The following ATRNL1 variants were observed in gnomAD, a reference collection of about 807,000 sequenced individuals.
ATRNL1 encodes attractin-like protein 1.
Under a neutral mutation model 182.7 loss-of-function variants are expected in ATRNL1, and 95 were observed. The observed-to-expected ratio is 0.52, with a 90% confidence interval of 0.44 to 0.62. ATRNL1 has a LOEUF of 0.62. Among genes scored for constraint, ATRNL1 ranks in the 20% least tolerant of loss-of-function variants. ATRNL1 has a pLI of 0.00. For synonymous variants in ATRNL1, 576 were observed against 568.3 expected (o/e 1.01, Z -0.19); for missense variants, 1,471 against 1,679.5 (o/e 0.88, Z 2.17).
intron 15 of ATRNL1, among the ~76,000 whole-genome samples, chr10:115,287,298 A>G (rs1245131129): frequency 2.2e-4 from 34 of 152,146 alleles, no homozygotes; most frequent in African/African-American, 7.2e-4. Flanking sequence ...AATAAATGAG[A>G]TACTGCATGT....
chr10:115,167,738 A>G (rs1847111452), intron 7 of ATRNL1, among the ~76,000 whole-genome samples: 1 of 152,144 alleles, frequency 6.6e-6, no homozygotes, highest in Non-Finnish European at 1.5e-5. Flanking sequence ...GTATGAAAAC[A>G]TATACCTACA....
chr10:115,119,425 A>G (rs1189934107), intron 1 of ATRNL1, among the ~76,000 whole-genome samples: 1 of 152,054 alleles, frequency 6.6e-6, no homozygotes, highest in Non-Finnish European at 1.5e-5. Flanking sequence ...AGTATAGTAT[A>G]TAAATGTTAA....
intron 5 of ATRNL1, among the ~76,000 whole-genome samples, chr10:115,130,198 C>G (rs1554874816): frequency 1.3e-5 from 2 of 152,042 alleles, no homozygotes; most frequent in South Asian, 4.1e-4. Context: ...TACCTACCCA[C>G]CTAGAGCTTA....
chr10:115,199,977 A>G (rs369927715), intron 8 of ATRNL1, among the ~76,000 whole-genome samples: 56 of 152,208 alleles, frequency 3.7e-4, no homozygotes, highest in East Asian at 2.7e-3. Context: ...AATTGCTGAG[A>G]GGGCACCATC....
intron 8 of ATRNL1, among the ~76,000 whole-genome samples, chr10:115,174,513 T>C (rs945374147): frequency 2.2e-4 from 34 of 151,808 alleles, no homozygotes; most frequent in African/African-American, 8.2e-4. Flanking sequence ...AATTATATCA[T>C]TTTATAATAT....
In ATRNL1 at chr10:115,191,685, T is replaced by C. The variant is rs117397919; in HGVS notation, c.1348+20393T>C. Among the ~76,000 whole-genome samples the C allele has an allele frequency of 4.7e-4, 72 of 152,124 alleles. 1 individual carries two copies. In the East Asian group the frequency reaches 0.013, roughly 27 times the overall value. On this transcript the variant is annotated intron_variant, in intron 8 of 28. Coordinates refer to ENST00000355044, the MANE Select transcript of ATRNL1 (RefSeq NM_207303.4). ...ATGAGATCTGATGGTTTTATAAGTA[T>C]TTCATAGTTCCTCCTGTGTTCATTA...
chr10:115,507,541 A>G (rs1850174817), intron 24 of ATRNL1, among the ~76,000 whole-genome samples: 1 of 152,036 alleles, frequency 6.6e-6, no homozygotes, highest in East Asian at 1.9e-4. Context: ...TAGAGTCAGA[A>G]TGCACTGATT....
intron 8 of ATRNL1, among the ~76,000 whole-genome samples, chr10:115,195,251 C>T (rs1391459457): frequency 6.6e-6 from 1 of 152,066 alleles, no homozygotes; most frequent in Non-Finnish European, 1.5e-5. Context: ...TCTTGTTTCA[C>T]ATTGAAGAAC....
intron 18 of ATRNL1, among the ~76,000 whole-genome samples, chr10:115,330,480 G>T (rs1323289581): frequency 6.6e-6 from 1 of 151,834 alleles, no homozygotes; most frequent in Non-Finnish European, 1.5e-5. Flanking sequence ...GGTTGCAAGG[G>T]TTTTCTTCAG....
At chr10:115,455,662 G>T (rs557336679) in intron 21 of ATRNL1, among the ~76,000 whole-genome samples, 73 of 152,230 alleles carry the variant, frequency 4.8e-4, no homozygotes, top group Non-Finnish European at 8.1e-4. Context: ...AAGAGCTTCT[G>T]CACAGCAAAA....
intron 27 of ATRNL1, among the ~76,000 whole-genome samples, chr10:115,803,095 C>G (rs1341911890): frequency 6.6e-6 from 1 of 152,176 alleles, no homozygotes; most frequent in African/African-American, 2.4e-5. Context: ...ACAGCCAGTA[C>G]TAGAAATGCT....
intron 1 of ATRNL1, among the ~76,000 whole-genome samples, chr10:115,110,703 A>C (rs1010610): frequency 0.35 from 53,969 of 152,066 alleles, 9,991 homozygotes; most frequent in African/African-American, 0.45. Flanking sequence ...AGCAATACAT[A>C]GTTGAAAAAA....
chr10:115,944,805 C>T lies in ATRNL1; in HGVS notation c.*26C>T. The T allele has an allele frequency of 6.2e-7, 1 of 1,605,748 alleles. No homozygotes were observed. On this transcript the variant is annotated 3_prime_UTR_variant, in exon 29 of 29. Coordinates refer to ENST00000355044, the MANE Select transcript of ATRNL1 (RefSeq NM_207303.4). Reference sequence around the variant, plus strand: ...GAAATGGAAACCGCTCCTGTATATTCTGTACTGTTTTACTTCGGGCTTCTG... The same window carrying T: ...GAAATGGAAACCGCTCCTGTATATTTTGTACTGTTTTACTTCGGGCTTCTG...
intron 8 of ATRNL1, among the ~76,000 whole-genome samples, chr10:115,176,833 A>G (rs1847529462): frequency 6.6e-6 from 1 of 152,068 alleles, no homozygotes; most frequent in Non-Finnish European, 1.5e-5. Flanking sequence ...TTTTTCTAAG[A>G]AGTTTTAGAG....
intron 27 of ATRNL1, among the ~76,000 whole-genome samples, chr10:115,787,859 C>T (rs1949433502): frequency 6.6e-6 from 1 of 152,042 alleles, no homozygotes; most frequent in East Asian, 1.9e-4. Context: ...TCACCAGTGT[C>T]CTTATGAGGA....
At chr10:115,245,061 A>G (rs1210405417) in intron 10 of ATRNL1, among the ~76,000 whole-genome samples, 3 of 152,214 alleles carry the variant, frequency 2.0e-5, no homozygotes, top group African/African-American at 7.2e-5. Flanking sequence ...ATTTCTTTGT[A>G]GTGATTATTT....
chr10:115,875,672 A>C (rs1195606312), intron 28 of ATRNL1, among the ~76,000 whole-genome samples: 3 of 152,212 alleles, frequency 2.0e-5, no homozygotes, highest in Non-Finnish European at 4.4e-5. Flanking sequence ...ACTTGTATGT[A>C]TTGAGCACTT....
At chr10:115,319,149 C>T (rs1237894896) in intron 18 of ATRNL1, among the ~76,000 whole-genome samples, 5 of 152,078 alleles carry the variant, frequency 3.3e-5, no homozygotes, top group African/African-American at 1.2e-4. Context: ...GTTATTTACC[C>T]AAGAGTCATT....
intron 5 of ATRNL1, among the ~76,000 whole-genome samples, chr10:115,130,964 A>ATCT (rs1554875027): frequency 6.6e-6 from 1 of 152,048 alleles, no homozygotes; most frequent in African/African-American, 2.4e-5. Flanking sequence ...ACTTACTTTC[A>ATCT]TTAGTCCTTC....
Sources: allele counts gnomAD v4.1 joint callset (sites outside exome capture counted in the v4.1 genomes callset), GRCh38; gene constraint gnomAD v4.1.1; transcripts MANE v1.5; gene names NCBI Gene and HGNC (gene_info 2026-07-23, HGNC 2026-07-21).